Variants in TASP1 observed in about 807,000 individuals in gnomAD.
TASP1 encodes taspase 1, also known as threonine aspartase 1.
TASP1 carries 16 observed loss-of-function variants against 56.6 expected under a neutral mutation model. The observed-to-expected ratio is 0.28, with a 90% CI of 0.19 to 0.43. The LOEUF (loss-of-function observed/expected upper bound fraction) is 0.43. Among genes scored for constraint, TASP1 ranks in the 20% least tolerant of loss-of-function variants. TASP1 has a pLI of 1.00. For missense variants in TASP1, 393 were observed against 511.6 expected (o/e 0.77, Z 2.24); for synonymous variants, 179 against 184.2 (o/e 0.97, Z 0.23).
intron 11 of TASP1, among the ~76,000 whole-genome samples, chr20:13,460,182 A>G (rs1427320857): frequency 6.6e-6 from 1 of 152,126 alleles, no homozygotes; most frequent in East Asian, 1.9e-4. Flanking sequence ...GGTGCTAGTC[A>G]GTGATCAGTT....
chr20:13,617,436 A>G (rs543022330), intron 4 of TASP1, among the ~76,000 whole-genome samples: 1 of 152,266 alleles, frequency 6.6e-6, no homozygotes, highest in Admixed American at 6.5e-5. Flanking sequence ...GGAAGAAAAA[A>G]ATGAGATTTT....
chr20:13,187,756 A>AAG, the TASP1 span, among the ~76,000 whole-genome samples: 1 of 143,840 alleles, frequency 7.0e-6, no homozygotes, highest in South Asian at 2.2e-4. Flanking sequence ...AAAAAAAAAA[A>AAG]AGACAAGGAA....
the TASP1 span, among the ~76,000 whole-genome samples, chr20:13,286,514 T>C: frequency 6.6e-6 from 1 of 152,212 alleles, no homozygotes; most frequent in Non-Finnish European, 1.5e-5. Context: ...TGGAAAACCA[T>C]TTCTTAGGAG....
chr20:13,437,724 CAGAG>C (rs1321587659), intron 11 of TASP1, among the ~76,000 whole-genome samples: 2 of 152,156 alleles, frequency 1.3e-5, no homozygotes, highest in African/African-American at 4.8e-5. Context: ...AACAGACAAA[CAGAG>C]AGCCAAATCA....
At chr20:13,583,394 C>A (rs919106341) in intron 5 of TASP1, among the ~76,000 whole-genome samples, 1 of 152,204 alleles carries the variant, frequency 6.6e-6, no homozygotes, top group Non-Finnish European at 1.5e-5. Context: ...GACGTCTAAA[C>A]GTACTTCCAA....
At position 13,492,045 on chromosome 20, in the gene TASP1, G is replaced by A. The variant is rs146793476; in HGVS notation, c.875-8708C>T. ...CAATTCTAATACAAAGAGCCCCAGAGGGGAAAAAGTGAAGTTGCATTCACA... is the reference window on the plus strand; with the variant it reads ...CAATTCTAATACAAAGAGCCCCAGAAGGGAAAAAGTGAAGTTGCATTCACA... On this transcript the variant is annotated intron_variant, in intron 10 of 13. Coordinates refer to ENST00000337743, the MANE Select transcript of TASP1 (RefSeq NM_017714.3). 5.4e-4 allele frequency among the ~76,000 whole-genome samples: 82 copies of A among 152,248 alleles called. 2 individuals carry two copies. The East Asian group carries it at 0.015, about 29-fold the overall frequency.
At chr20:13,339,819 C>T in the TASP1 span, among the ~76,000 whole-genome samples, 1 of 151,952 alleles carries the variant, frequency 6.6e-6, no homozygotes, top group African/African-American at 2.4e-5. Flanking sequence ...ATGTATGTAA[C>T]CAAGTAGTCC....
chr20:13,505,773 G>C (rs1198671240), intron 10 of TASP1, among the ~76,000 whole-genome samples: 1 of 151,978 alleles, frequency 6.6e-6, no homozygotes, highest in African/African-American at 2.4e-5. Context: ...TTCTAAAACA[G>C]AAGTTAACAG....
At chr20:13,501,738 T>C (rs1277439383) in intron 10 of TASP1, among the ~76,000 whole-genome samples, 1 of 152,020 alleles carries the variant, frequency 6.6e-6, no homozygotes, top group Non-Finnish European at 1.5e-5. Flanking sequence ...GAATAATCTT[T>C]TTATTAATAA....
the TASP1 span, among the ~76,000 whole-genome samples, chr20:13,187,371 G>A: frequency 6.6e-6 from 1 of 151,766 alleles, no homozygotes; most frequent in East Asian, 1.9e-4. Flanking sequence ...GATCTAGGAA[G>A]CTCAGAGAAC....
the TASP1 span, among the ~76,000 whole-genome samples, chr20:13,211,691 T>A: frequency 6.6e-6 from 1 of 152,188 alleles, no homozygotes; most frequent in African/African-American, 2.4e-5. Flanking sequence ...GGCTGTTGGC[T>A]TGGCCTGACC....
chr20:13,261,895 A>G, the TASP1 span, among the ~76,000 whole-genome samples: 1 of 152,248 alleles, frequency 6.6e-6, no homozygotes, highest in Middle Eastern at 3.4e-3. Context: ...CCCTCTCACC[A>G]ACAGAACACC....
chr20:13,141,888 G>A, the TASP1 span, among the ~76,000 whole-genome samples: 2 of 152,186 alleles, frequency 1.3e-5, no homozygotes, highest in Non-Finnish European at 2.9e-5. Flanking sequence ...TTGTGTGTGT[G>A]GACCTAAGGT....
chr20:13,197,057 C>A, the TASP1 span, among the ~76,000 whole-genome samples: 1 of 152,160 alleles, frequency 6.6e-6, no homozygotes, highest in South Asian at 2.1e-4. Flanking sequence ...CCTGAGAGCT[C>A]CCCTGTCTAT....
intron 4 of TASP1, among the ~76,000 whole-genome samples, chr20:13,604,993 T>TAG (rs1274246140): frequency 2.3e-5 from 3 of 130,470 alleles, no homozygotes; most frequent in Non-Finnish European, 3.3e-5. Context: ...AATACATATA[T>TAG]ATATATATAT....
chr20:13,177,541 A>G, the TASP1 span, among the ~76,000 whole-genome samples: 2 of 152,194 alleles, frequency 1.3e-5, no homozygotes, highest in African/African-American at 4.8e-5. Flanking sequence ...CCAAAACATC[A>G]TGGTGCTGGC....
At chr20:13,272,341 G>C in the TASP1 span, among the ~76,000 whole-genome samples, 1 of 152,156 alleles carries the variant, frequency 6.6e-6, no homozygotes, top group African/African-American at 2.4e-5. Context: ...ATCTCACTGA[G>C]AACACTTGGA....
rs546419566 is a variant in TASP1 at position 13,469,792 on chromosome 20, CTTTTTTTTTTTTTTTTTTT to C, written c.985+13416_985+13434del. 2.4e-3 allele frequency among the ~76,000 whole-genome samples: 94 copies of C among 39,554 alleles called. 1 individual carries two copies. The highest frequency in any genetic ancestry group is 7.1e-3 in the South Asian group (5 of 708). 25.9% of individuals were successfully genotyped at this position (39,554 alleles called of 152,430 possible). On this transcript the variant is annotated intron_variant, in intron 11 of 13. Coordinates refer to ENST00000337743, the MANE Select transcript of TASP1 (RefSeq NM_017714.3). The stretch of plus-strand genomic sequence containing the variant: ...ACAGTTGTCCAGGTCAATAAATGTC[CTTTTTTTTTTTTTTTTTTT>C]TTTTTTTTTTTTTTTGAGAGAGTGT...
At chr20:13,603,870 T>A (rs963763364) in intron 4 of TASP1, among the ~76,000 whole-genome samples, 2 of 152,202 alleles carry the variant, frequency 1.3e-5, no homozygotes, top group African/African-American at 2.4e-5. Flanking sequence ...TTAATAAGAA[T>A]CTTGCTAAAT....
Sources: gnomAD v4.1 joint callset for allele counts (sites outside exome capture counted in the v4.1 genomes callset) on GRCh38, gnomAD v4.1.1 for gene constraint, MANE v1.5 for transcripts, NCBI Gene and HGNC (gene_info 2026-07-23, HGNC 2026-07-21) for gene names.